Variants in PPFIBP2 observed in about 807,000 individuals in gnomAD.
The protein encoded by PPFIBP2 is PPFIB scaffold protein 2, also known as liprin-beta-2.
In PPFIBP2, 118 loss-of-function variants were observed where a neutral mutation model predicts 118.3. The ratio of observed to expected loss-of-function variants is 1.00; its 90% CI spans 0.86 to 1.16. The LOEUF is 1.16. Ranked by LOEUF, PPFIBP2 falls within the 50% of genes most tolerant of loss-of-function variation. PPFIBP2 has a pLI of 0.00. For synonymous variants in PPFIBP2, 414 were observed against 397.4 expected (o/e 1.04, Z -0.50); for missense variants, 1,195 against 1,073.1 (o/e 1.11, Z -1.59).
chr11:7,644,728 C>T (rs554194938), intron 17 of PPFIBP2, among the ~76,000 whole-genome samples: 16 of 152,012 alleles, frequency 1.1e-4, no homozygotes, highest in Non-Finnish European at 1.5e-4. Flanking sequence ...GAAAATTTTG[C>T]CTAAAAAAGG....
chr11:7,547,529 C>G (rs1852456181), intron 1 of PPFIBP2, among the ~76,000 whole-genome samples: 1 of 152,290 alleles, frequency 6.6e-6, no homozygotes, highest in East Asian at 1.9e-4. Context: ...CAGATTGTTT[C>G]CTTCCTCCTG....
intron 6 of PPFIBP2, 112 bp from the exon 7 acceptor site, chr11:7,620,808 AGATTAAAGCTGTTAT>A: frequency 1.4e-6 from 1 of 694,946 alleles, no homozygotes; most frequent in Non-Finnish European, 2.6e-6. Context: ...ACGTGTTTAA[AGATTAAAGCTGTTAT>A]GTGGAGCTTG....
At chr11:7,655,283 C>T (rs896840411), downstream of PPFIBP2, 13 of 448,390 alleles carry the variant, frequency 2.9e-5, no homozygotes, top group African/African-American at 8.1e-5. Flanking sequence ...CCACCTGTCA[C>T]TCCTCAGGGC....
chr11:7,599,511 CTG>C (rs1295757879), intron 5 of PPFIBP2, among the ~76,000 whole-genome samples: 1 of 152,164 alleles, frequency 6.6e-6, no homozygotes, highest in Admixed American at 6.5e-5. Context: ...GTCAAAGTCT[CTG>C]TGTCAAGGAG....
At chr11:7,604,202 GAAAA>G (rs2135414276) in intron 5 of PPFIBP2, among the ~76,000 whole-genome samples, 1 of 152,290 alleles carries the variant, frequency 6.6e-6, no homozygotes, top group African/African-American at 2.4e-5. Context: ...AAATGGAGAA[GAAAA>G]AAGAAAGGTC....
At chr11:7,643,605 T>C (rs549695389) in intron 17 of PPFIBP2, among the ~76,000 whole-genome samples, 2 of 152,374 alleles carry the variant, frequency 1.3e-5, no homozygotes, top group Admixed American at 6.5e-5. Context: ...TTTATCGTAA[T>C]GGTGCAAAAT....
chr11:7,604,840 G>A (rs1417741750), intron 5 of PPFIBP2, among the ~76,000 whole-genome samples: 1 of 152,196 alleles, frequency 6.6e-6, no homozygotes, highest in African/African-American at 2.4e-5. Context: ...GTACAGAAGT[G>A]AGGGAGAGTC....
chr11:7,664,826 C>T, the PPFIBP2 span, among the ~76,000 whole-genome samples: 128 of 150,072 alleles, frequency 8.5e-4, no homozygotes, highest in Non-Finnish European at 1.4e-3. Context: ...CCCGACAGAC[C>T]CTCGTTTGGG....
intron 1 of PPFIBP2, among the ~76,000 whole-genome samples, chr11:7,549,120 T>A (rs1222042937): frequency 3.3e-5 from 5 of 152,094 alleles, no homozygotes; most frequent in Non-Finnish European, 7.4e-5. Flanking sequence ...CACAGTGGGG[T>A]CGGAGCTTCT....
chr11:7,557,562 G>A (rs1422224084), intron 2 of PPFIBP2, among the ~76,000 whole-genome samples: 2 of 148,368 alleles, frequency 1.3e-5, no homozygotes, highest in East Asian at 2.0e-4. Context: ...CATAATCTTG[G>A]CTCACTGAAA....
intron 2 of PPFIBP2, among the ~76,000 whole-genome samples, chr11:7,559,067 C>T (rs1010270976): frequency 1.3e-4 from 20 of 152,090 alleles, no homozygotes; most frequent in East Asian, 5.8e-4. Flanking sequence ...TTTGTAAAAC[C>T]GCTCAGGTGA....
intron 6 of PPFIBP2, chr11:7,617,102 C>T: frequency 1.0e-6 from 1 of 985,256 alleles, no homozygotes; most frequent in Non-Finnish European, 1.2e-6. Flanking sequence ...CTTTCTTTTC[C>T]TTCCTACAGT....
the PPFIBP2 span, chr11:7,666,450 C>T: frequency 3.7e-5 from 60 of 1,603,236 alleles, 2 homozygotes; most frequent in South Asian, 4.3e-4. Flanking sequence ...GGATGTCGTA[C>T]CAATGGGAGG....
intron 5 of PPFIBP2, among the ~76,000 whole-genome samples, chr11:7,601,586 C>T (rs914602179): frequency 1.3e-5 from 2 of 152,126 alleles, no homozygotes; most frequent in South Asian, 2.1e-4. Flanking sequence ...TCAGGACTGC[C>T]TATGGAAGCA....
downstream of PPFIBP2, chr11:7,657,005 C>T (rs541212769): frequency 1.5e-4 from 54 of 356,674 alleles, no homozygotes; most frequent in East Asian, 1.3e-3. Flanking sequence ...AACCATGCTG[C>T]GCTCTTCACC....
rs570190965 is a variant in PPFIBP2 at position 7,594,135 on chromosome 11, T to C, written c.372+911T>C. On this transcript the variant is annotated intron_variant, in intron 4 of 23. Coordinates refer to ENST00000299492, the MANE Select transcript of PPFIBP2 (RefSeq NM_003621.5). ...AGGTTATGAGGTGGCAGTGTGTTTG[T>C]TTTTTCTCTTTTTACCTTACTTATT... Among the ~76,000 whole-genome samples, 3 of 151,752 alleles carry C rather than the reference T, an allele frequency of 2.0e-5. No homozygotes were observed. In the South Asian group the frequency reaches 6.2e-4, roughly 31 times the overall value.
chr11:7,558,746 T>C (rs1853947286), intron 2 of PPFIBP2, among the ~76,000 whole-genome samples: 1 of 150,706 alleles, frequency 6.6e-6, no homozygotes, highest in Non-Finnish European at 1.5e-5. Context: ...ACAGAGCAAC[T>C]CTGTCTCAAA....
chr11:7,601,867 A>T (rs559616250), intron 5 of PPFIBP2, among the ~76,000 whole-genome samples: 59 of 150,808 alleles, frequency 3.9e-4, no homozygotes, highest in African/African-American at 1.4e-3. Context: ...GCCGAGGTGG[A>T]TGGATAACCC....
chr11:7,595,187 A>G (rs1212110253), intron 4 of PPFIBP2, among the ~76,000 whole-genome samples: 1 of 152,174 alleles, frequency 6.6e-6, no homozygotes, highest in Non-Finnish European at 1.5e-5. Flanking sequence ...GCAAGTGGCC[A>G]TTGTGCCTGC....
Sources: gnomAD v4.1 joint callset for allele counts (sites outside exome capture counted in the v4.1 genomes callset) on GRCh38, gnomAD v4.1.1 for gene constraint, MANE v1.5 for transcripts, NCBI Gene and HGNC (gene_info 2026-07-23, HGNC 2026-07-21) for gene names.